SOX6: variants seen among roughly 807,000 people sequenced by gnomAD.
SOX6 encodes the protein SRY-box transcription factor 6.
Under a neutral mutation model 97.8 loss-of-function variants are expected in SOX6, and 11 were observed. The observed-to-expected ratio is 0.11, with a 90% CI of 0.07 to 0.19. SOX6 has a LOEUF of 0.19. SOX6 is among the 10% of genes least tolerant of loss of function. The pLI is 1.00. For synonymous variants in SOX6, 360 were observed against 371.4 expected (o/e 0.97, Z 0.35); for missense variants, 810 against 1,039.5 (o/e 0.78, Z 3.04).
intron 4 of SOX6, 140 bp from the exon 5 acceptor site, chr11:16,187,095 G>A (rs1466345446): frequency 1.1e-6 from 1 of 872,112 alleles, no homozygotes. Flanking sequence ...TGAGGGTACA[G>A]GAACACCAGA....
intron 6 of SOX6, among the ~76,000 whole-genome samples, chr11:16,147,016 G>C (rs1251126645): frequency 6.6e-6 from 1 of 152,116 alleles, no homozygotes; most frequent in Non-Finnish European, 1.5e-5. Context: ...TATACCCAAA[G>C]GATTATAAAT....
At chr11:16,287,888 T>C (rs1435201589) in intron 3 of SOX6, among the ~76,000 whole-genome samples, 2 of 152,092 alleles carry the variant, frequency 1.3e-5, no homozygotes, top group African/African-American at 4.8e-5. Context: ...TCCAAAATAG[T>C]GAGCAGGGAA....
intron 4 of SOX6, among the ~76,000 whole-genome samples, chr11:16,606,627 C>A (rs1848337722): frequency 6.6e-6 from 1 of 152,136 alleles, no homozygotes; most frequent in Non-Finnish European, 1.5e-5. Flanking sequence ...GATTAGAATA[C>A]CAATGCGGGG....
chr11:16,364,469 G>T (rs982697559), intron 1 of SOX6, among the ~76,000 whole-genome samples: 1 of 152,098 alleles, frequency 6.6e-6, no homozygotes, highest in Non-Finnish European at 1.5e-5. Flanking sequence ...GTCAGAGGTT[G>T]CACAAGAGCA....
In SOX6 at chr11:16,500,378, G is replaced by A. The variant is rs148807495; in HGVS notation, n.610-23990C>T. On this transcript the variant is annotated intron_variant and non_coding_transcript_variant, in intron 4 of 5. Transcript: ENST00000524520. The stretch of plus-strand genomic sequence containing the variant: ...CATAGTGAATAGGCAAAAACTGGAA[G>A]CATTCCCTTCGAAAACTGGCACAAG... Among the ~76,000 whole-genome samples, 1,336 of 152,292 alleles carry A rather than the reference G, an allele frequency of 8.8e-3. 17 individuals are homozygous for A. The highest frequency in any genetic ancestry group is 0.031 in the African/African-American group (1,280 of 41,552).
chr11:16,233,742 A>T (rs1398035822), intron 4 of SOX6, among the ~76,000 whole-genome samples: 1 of 152,010 alleles, frequency 6.6e-6, no homozygotes, highest in Non-Finnish European at 1.5e-5. Context: ...CGGTGCGGTG[A>T]CTCACACCTG....
chr11:16,303,614 C>T (rs1855332079), intron 3 of SOX6, among the ~76,000 whole-genome samples: 1 of 152,050 alleles, frequency 6.6e-6, no homozygotes, highest in Non-Finnish European at 1.5e-5. Context: ...GAATATGATC[C>T]TTTCTATACA....
chr11:16,531,422 T>C (rs1393324460), intron 4 of SOX6, among the ~76,000 whole-genome samples: 1 of 151,970 alleles, frequency 6.6e-6, no homozygotes, highest in Non-Finnish European at 1.5e-5. Flanking sequence ...GATGGGCATA[T>C]ATTTAATTCA....
intron 3 of SOX6, among the ~76,000 whole-genome samples, chr11:16,688,258 C>T (rs900910985): frequency 6.6e-6 from 1 of 152,112 alleles, no homozygotes; most frequent in Admixed American, 6.6e-5. Context: ...AGCCATTCTG[C>T]CTGGGTTGGC....
intron 4 of SOX6, among the ~76,000 whole-genome samples, chr11:16,222,427 T>C (rs1329995162): frequency 6.6e-6 from 1 of 152,116 alleles, no homozygotes; most frequent in Non-Finnish European, 1.5e-5. Context: ...TTGCCCAGGC[T>C]GGTCTTGAAC....
At chr11:16,690,953 A>G (rs1848008673) in intron 3 of SOX6, among the ~76,000 whole-genome samples, 1 of 152,252 alleles carries the variant, frequency 6.6e-6, no homozygotes, top group Non-Finnish European at 1.5e-5. Flanking sequence ...TGCATTAGGA[A>G]GCATCTGAAG....
chr11:16,261,004 C>T (rs1853873744), intron 3 of SOX6, among the ~76,000 whole-genome samples: 1 of 152,170 alleles, frequency 6.6e-6, no homozygotes, highest in Non-Finnish European at 1.5e-5. Flanking sequence ...AAACATTCAA[C>T]CACTCCATTT....
chr11:16,336,151 T>C (rs566843622), intron 2 of SOX6, among the ~76,000 whole-genome samples: 12 of 152,298 alleles, frequency 7.9e-5, no homozygotes, highest in South Asian at 6.2e-4. Flanking sequence ...AGAATGTGTG[T>C]AAGTGTACAC....
chr11:16,262,790 C>T (rs1477914567), intron 3 of SOX6, among the ~76,000 whole-genome samples: 1 of 151,970 alleles, frequency 6.6e-6, no homozygotes, highest in Non-Finnish European at 1.5e-5. Context: ...ATCAATGATG[C>T]ATTTAGATCA....
rs979421212 is a variant in SOX6, at chr11:16,535,627, G to A, written n.610-59239C>T. Among the ~76,000 whole-genome samples, 11 of 152,094 alleles carry A rather than the reference G, an allele frequency of 7.2e-5. No homozygotes were observed. In the East Asian group the frequency reaches 1.4e-3, roughly 19 times the overall value. On this transcript the variant is annotated intron_variant and non_coding_transcript_variant, in intron 4 of 5. Transcript: ENST00000524520. ...GCAGAGGTTGTGGTGATCCAAGATC[G>A]CAACACTGCACTCTAGCCTAGGTAA... is the stretch of plus-strand genomic sequence containing the variant.
At chr11:16,582,096 G>T (rs1165689317) in intron 4 of SOX6, among the ~76,000 whole-genome samples, 2 of 152,186 alleles carry the variant, frequency 1.3e-5, no homozygotes, top group African/African-American at 2.4e-5. Context: ...ATTTATAAGT[G>T]GGAGCCAAAC....
At chr11:16,608,599 GA>G (rs972082056) in intron 4 of SOX6, among the ~76,000 whole-genome samples, 97 of 140,136 alleles carry the variant, frequency 6.9e-4, no homozygotes, top group Middle Eastern at 3.7e-3. Context: ...AGGAGGCGTT[GA>G]AAAAAAAAAA....
At chr11:16,636,610 G>A (rs1335439538) in intron 3 of SOX6, among the ~76,000 whole-genome samples, 2 of 152,100 alleles carry the variant, frequency 1.3e-5, no homozygotes, top group Non-Finnish European at 2.9e-5. Context: ...ATATGGGAGG[G>A]CCCGGGGCAA....
intron 3 of SOX6, among the ~76,000 whole-genome samples, chr11:16,242,745 C>T (rs4757385): frequency 0.95 from 144,327 of 151,856 alleles, 69,003 homozygotes; most frequent in East Asian, 1. Context: ...ATAGTTAATG[C>T]CATAATATTA....
Sources: allele counts gnomAD v4.1 joint callset (sites outside exome capture counted in the v4.1 genomes callset), GRCh38; gene constraint gnomAD v4.1.1; transcripts MANE v1.5; gene names NCBI Gene and HGNC (gene_info 2026-07-23, HGNC 2026-07-21).